EVC2: variants seen among roughly 807,000 people sequenced by gnomAD.
EVC2 encodes the protein limbin.
A neutral mutation model predicts 149.3 loss-of-function variants in EVC2; 148 were observed. The ratio of observed to expected loss-of-function variants is 0.99; its 90% CI spans 0.87 to 1.14. EVC2 has a LOEUF of 1.14. Among genes scored for constraint, EVC2 ranks in the 50% most tolerant of loss-of-function variants. The pLI, the probability that EVC2 is intolerant of heterozygous loss-of-function variation, is 0.00. For synonymous variants in EVC2, 776 were observed against 649.9 expected (o/e 1.19, Z -2.95); for missense variants, 1,854 against 1,627.3 (o/e 1.14, Z -2.40).
Position 5,657,482 on chromosome 4 carries a change from C to T in EVC2, c.1145+5625G>A, listed in dbSNP as rs1577216234. 6.6e-6 allele frequency among the ~76,000 whole-genome samples: 1 copy of T among 152,042 alleles called. No individual in the cohort carries two copies. Among genetic ancestry groups the T allele is most frequent in the African/African-American group, 2.4e-5 (1 of 41,408 alleles). On this transcript the variant is annotated intron_variant, in intron 9 of 21. Transcript: ENST00000344408. The surrounding 1 kb of genome is among the most constrained non-coding windows in gnomAD (Gnocchi z 4.7). ...CTGGGTAGCCTGAAGAGCCACATCA[C>T]ATCTGGAAACATGTTGTGTTGTCTT...
rs530153684 is a variant in EVC2, at chr4:5,643,042, C to T, written c.1146-2204G>A. Among the ~76,000 whole-genome samples, 81 of 152,264 alleles carry T rather than the reference C, an allele frequency of 5.3e-4. 1 individual carries two copies. Among genetic ancestry groups the T allele is most frequent in the Non-Finnish European group, 1.1e-3 (73 of 68,022 alleles). ...GACAGATGTGTGTATGTCTATCTAA[C>T]GAGTTAACTTGTCTACATGAATATG... On this transcript the variant is annotated intron_variant, in intron 9 of 21. Coordinates refer to ENST00000344408, the MANE Select transcript of EVC2 (RefSeq NM_147127.5).
intron 5 of EVC2, among the ~76,000 whole-genome samples, chr4:5,688,576 CAAT>C (rs1184012838): frequency 6.6e-6 from 1 of 152,110 alleles, no homozygotes; most frequent in African/African-American, 2.4e-5. Flanking sequence ...CTTAATTGAC[CAAT>C]AACAGCCCAC....
intron 3 of EVC2, among the ~76,000 whole-genome samples, chr4:5,692,896 A>C (rs1457019718): frequency 2.7e-5 from 4 of 150,888 alleles, no homozygotes; most frequent in African/African-American, 9.7e-5. Flanking sequence ...AAAAAGAAAA[A>C]AGAAAATTAA....
chr4:5,620,078 C>A (rs1715574032), intron 14 of EVC2, among the ~76,000 whole-genome samples: 1 of 152,138 alleles, frequency 6.6e-6, no homozygotes, highest in South Asian at 2.1e-4. Flanking sequence ...ACCACGGGGG[C>A]CCTCTGCTGA....
chr4:5,533,883 G>T, the EVC2 span, among the ~76,000 whole-genome samples: 1 of 152,168 alleles, frequency 6.6e-6, no homozygotes. Flanking sequence ...GAAATAGATG[G>T]TGCAAAGGTC....
At chr4:5,597,087 C>A (rs1425237023) in intron 16 of EVC2, among the ~76,000 whole-genome samples, 2 of 152,092 alleles carry the variant, frequency 1.3e-5, no homozygotes, top group East Asian at 1.9e-4. Flanking sequence ...GCTTACCAAC[C>A]AAAAAGAGTC....
chr4:5,699,287 T>C (rs761591361), intron 1 of EVC2, among the ~76,000 whole-genome samples: 1 of 152,224 alleles, frequency 6.6e-6, no homozygotes, highest in Admixed American at 6.5e-5. Context: ...GCCAAACATC[T>C]GGCTTCAGTT....
At chr4:5,535,526 T>C in the EVC2 span, among the ~76,000 whole-genome samples, 2 of 151,348 alleles carry the variant, frequency 1.3e-5, no homozygotes, top group African/African-American at 4.9e-5. This position sits in a 1 kb window ranked among gnomAD's most constrained non-coding sequence, Gnocchi z 4.7. Flanking sequence ...CAACAGACGG[T>C]TATTTCACAC....
intron 9 of EVC2, among the ~76,000 whole-genome samples, chr4:5,660,753 C>G (rs1057309807): frequency 6.6e-6 from 1 of 152,126 alleles, no homozygotes; most frequent in African/African-American, 2.4e-5. Context: ...TACGGGTTCC[C>G]CATTTGAGAG....
intron 9 of EVC2, among the ~76,000 whole-genome samples, chr4:5,643,749 CA>C (rs1717507064): frequency 6.6e-6 from 1 of 152,132 alleles, no homozygotes. Context: ...GGTGAAATGC[CA>C]TCTCCACTAA....
intron 16 of EVC2, among the ~76,000 whole-genome samples, chr4:5,593,923 C>G (rs1713101710): frequency 6.6e-6 from 1 of 152,226 alleles, no homozygotes; most frequent in South Asian, 2.1e-4. Context: ...ATTATATCCC[C>G]CACCTGGCTT....
At chr4:5,581,346 G>A (rs1158008346) in intron 17 of EVC2, among the ~76,000 whole-genome samples, 5 of 152,174 alleles carry the variant, frequency 3.3e-5, no homozygotes, top group Non-Finnish European at 7.3e-5. Flanking sequence ...CTAGAGACTT[G>A]TTACATTGTT....
At chr4:5,594,560 A>G (rs1455260309) in intron 16 of EVC2, among the ~76,000 whole-genome samples, 1 of 152,184 alleles carries the variant, frequency 6.6e-6, no homozygotes, top group African/African-American at 2.4e-5. Flanking sequence ...ACCCACACCA[A>G]AAACCCATCT....
chr4:5,581,077 G>A (rs1711722738), intron 17 of EVC2, among the ~76,000 whole-genome samples: 1 of 152,316 alleles, frequency 6.6e-6, no homozygotes, highest in South Asian at 2.1e-4. Flanking sequence ...AAGCTGAGCA[G>A]ATGCATCATG....
intron 7 of EVC2, among the ~76,000 whole-genome samples, chr4:5,675,206 A>C (rs1388414956): frequency 6.6e-6 from 1 of 152,170 alleles, no homozygotes; most frequent in East Asian, 1.9e-4. Context: ...CAAGTTTCTC[A>C]CTTATCTGAG....
rs576826305 is a variant in EVC2 at position 5,697,739 on chromosome 4, A to G, written c.229-92T>C. On this transcript the variant is annotated intron_variant, in intron 1 of 21. Coordinates refer to ENST00000344408, the MANE Select transcript of EVC2 (RefSeq NM_147127.5). ...TTTGTAAATGACTCACATGGAGAGG[A>G]CATGCACTTTTTTTTTTTTTTTCTG... 9.6e-5 allele frequency: 115 copies of G among 1,193,736 alleles called. No individual in the cohort carries two copies. In the African/African-American group the frequency reaches 1.4e-3, roughly 15 times the overall value. The allele number at this position is 1,193,736 out of a possible 1,614,324, so 73.9% of individuals were successfully genotyped here. A position where few individuals can be genotyped will look rare whatever the true frequency, so the allele number is the denominator to read the frequency against.
At chr4:5,564,226 GC>G (rs1722128676) in intron 21 of EVC2, among the ~76,000 whole-genome samples, 1 of 152,206 alleles carries the variant, frequency 6.6e-6, no homozygotes, top group Non-Finnish European at 1.5e-5. Context: ...CCACCATGGT[GC>G]CTCTAGGCAG....
intron 17 of EVC2, 137 bp downstream of exon 17, chr4:5,584,486 A>T: frequency 1.2e-6 from 1 of 866,118 alleles, no homozygotes; most frequent in Non-Finnish European, 1.9e-6. Context: ...CCAATATGTC[A>T]CTTCGTTTAA....
chr4:5,709,464 C>G (rs926455249), upstream of EVC2: 1 of 152,320 alleles, frequency 6.6e-6, no homozygotes, highest in African/African-American at 2.4e-5. Context: ...AGCCTCTCTC[C>G]CCATAACCCA....
Sources: allele counts gnomAD v4.1 joint callset (sites outside exome capture counted in the v4.1 genomes callset), GRCh38; gene constraint gnomAD v4.1.1; non-coding constraint Gnocchi (gnomAD v3.1); transcripts MANE v1.5; gene names NCBI Gene and HGNC (gene_info 2026-07-23, HGNC 2026-07-21).